The following GPBP1 variants were observed in gnomAD, a reference collection of about 807,000 sequenced individuals.
GPBP1 encodes the protein vasculin.
GPBP1 carries 13 observed loss-of-function variants against 56.5 expected under a neutral mutation model. The observed-to-expected ratio is 0.23, with a 90% CI of 0.15 to 0.37. The LOEUF is 0.37. Among genes scored for constraint, GPBP1 ranks in the 10% least tolerant of loss-of-function variants. The pLI is 1.00. For synonymous variants in GPBP1, 204 were observed against 188.9 expected (o/e 1.08, Z -0.66); for missense variants, 477 against 572.3 (o/e 0.83, Z 1.70).
intron 6 of GPBP1, 71 bp from the exon 7 acceptor site, chr5:57,246,228 TC>T (rs1185956480): frequency 5.6e-5 from 71 of 1,260,150 alleles, no homozygotes; most frequent in Non-Finnish European, 9.9e-6. Flanking sequence ...AATATACTGT[TC>T]TTTTGGTGGT....
At chr5:57,215,997 A>G (rs975422869) in intron 3 of GPBP1, among the ~76,000 whole-genome samples, 2 of 151,962 alleles carry the variant, frequency 1.3e-5, no homozygotes, top group Non-Finnish European at 2.9e-5. Context: ...TTGAGTCATT[A>G]CTCCACGCGC....
At chr5:57,231,387 C>T (rs555343253) in intron 5 of GPBP1, 66 bp downstream of exon 5, 4 of 1,247,062 alleles carry the variant, frequency 3.2e-6, no homozygotes, top group South Asian at 2.7e-5. Context: ...GATTCTCCTG[C>T]CTCAGCCTCT....
chr5:57,187,912 A>C (rs1025933477), intron 2 of GPBP1, among the ~76,000 whole-genome samples: 9 of 151,470 alleles, frequency 5.9e-5, no homozygotes, highest in Non-Finnish European at 1.2e-4. Context: ...TGTATAATGT[A>C]TTTGTGTATA....
intron 10 of GPBP1, among the ~76,000 whole-genome samples, chr5:57,258,633 T>A (rs960151888): frequency 2.0e-5 from 3 of 152,132 alleles, no homozygotes; most frequent in African/African-American, 7.2e-5. Context: ...GAAACACAGA[T>A]TGTTTTTATT....
chr5:57,194,852 T>C (rs1754678580), intron 2 of GPBP1, among the ~76,000 whole-genome samples: 3 of 152,222 alleles, frequency 2.0e-5, no homozygotes, highest in African/African-American at 7.2e-5. Flanking sequence ...TATGACTGAA[T>C]AATATTCCAT....
intron 2 of GPBP1, among the ~76,000 whole-genome samples, chr5:57,183,208 A>T (rs927391392): frequency 6.6e-6 from 1 of 152,068 alleles, no homozygotes; most frequent in East Asian, 1.9e-4. Context: ...TCTAATAAAA[A>T]TACAAAAAAT....
rs759514220 is a variant in GPBP1 at position 57,250,938 on chromosome 5, ACT to A, written c.973-11_973-10del. ...GAACTCATTCTTTTTTTTTTTTTTA[ACT>A]CTCTAAAAATCAGGATGACGACTCA... On this transcript the variant is annotated splice_polypyrimidine_tract_variant and intron_variant, in intron 9 of 11. Transcript: ENST00000506184. The A allele has an allele frequency of 2.5e-5, 36 of 1,438,938 alleles. No homozygotes were observed. The highest frequency in any genetic ancestry group is 1.9e-4 in the Middle Eastern group (1 of 5,348). 89.1% of individuals were successfully genotyped at this position (1,438,938 alleles called of 1,614,324 possible).
In GPBP1 at chr5:57,246,141, G is replaced by A. The variant is rs1020727849; in HGVS notation, c.479-159G>A. On this transcript the variant is annotated intron_variant, in intron 6 of 11. Coordinates refer to ENST00000506184, the MANE Select transcript of GPBP1 (RefSeq NM_022913.4). ...TGTTTTAGCTTTACTTGTTCAATTG[G>A]AATATAGTTTGTACTTTTTTAGTTT... is the stretch of plus-strand genomic sequence containing the variant. 1.1e-5 allele frequency: 6 copies of A among 529,402 alleles called. No homozygotes were observed. In the Admixed American group the frequency reaches 1.9e-4, roughly 17 times the overall value. 32.8% of individuals were successfully genotyped at this position (529,402 alleles called of 1,614,324 possible).
intron 2 of GPBP1, among the ~76,000 whole-genome samples, chr5:57,204,039 A>G (rs751459286): frequency 7.2e-5 from 11 of 152,186 alleles, no homozygotes; most frequent in African/African-American, 1.2e-4. Flanking sequence ...ACAGATTTCT[A>G]TGCAATGCTT....
At chr5:57,251,216 T>TC (rs1741370770) in intron 10 of GPBP1, 75 bp downstream of exon 10, 3 of 1,267,562 alleles carry the variant, frequency 2.4e-6, no homozygotes, top group South Asian at 2.9e-5. Flanking sequence ...TTTTACGTGA[T>TC]TTAACAGGTT....
At chr5:57,248,590 C>T (rs188459695) in intron 8 of GPBP1, among the ~76,000 whole-genome samples, 2,086 of 152,150 alleles carry the variant, frequency 0.014, 116 homozygotes, top group East Asian at 0.097. Flanking sequence ...GTAGCCACTA[C>T]GCCTGGCTAA....
chr5:57,253,523 A>T, intron 10 of GPBP1, among the ~76,000 whole-genome samples: 1 of 152,232 alleles, frequency 6.6e-6, no homozygotes, highest in East Asian at 1.9e-4. Flanking sequence ...AATTAAGAAC[A>T]TAAGCTACAT....
chr5:57,219,419 C>CAAAAAAAAAAAAAAA (rs5868039), intron 3 of GPBP1, among the ~76,000 whole-genome samples: 1 of 68,068 alleles, frequency 1.5e-5, no homozygotes, highest in Non-Finnish European at 2.9e-5. Flanking sequence ...AACAAACAAA[C>CAAAAAAAAAAAAAAA]AAAAAAAAAA....
rs1456356523 is a variant in GPBP1, at chr5:57,175,642, C to T, written c.-816C>T. 6 of 396,516 alleles carry T rather than the reference C, an allele frequency of 1.5e-5. No homozygotes were observed. Among genetic ancestry groups the T allele is most frequent in the Non-Finnish European group, 2.2e-5 (5 of 225,362 alleles). 24.6% of individuals were successfully genotyped at this position (396,516 alleles called of 1,614,324 possible). On this transcript the variant is annotated 5_prime_UTR_variant, in exon 2 of 12. Coordinates refer to ENST00000506184, the MANE Select transcript of GPBP1 (RefSeq NM_022913.4). ...TCAGCAAGCTACTTAAAAAGAGACCCAGGCAGCATTTCTTCAGTATTTTGG... is the reference window on the plus strand; with the variant it reads ...TCAGCAAGCTACTTAAAAAGAGACCTAGGCAGCATTTCTTCAGTATTTTGG...
At chr5:57,214,779 C>T (rs1755635439) in intron 3 of GPBP1, among the ~76,000 whole-genome samples, 1 of 152,038 alleles carries the variant, frequency 6.6e-6, no homozygotes, top group Non-Finnish European at 1.5e-5. Flanking sequence ...CCTCATTCTC[C>T]TGAGTATTTG....
At chr5:57,229,894 G>A (rs1756365915) in intron 3 of GPBP1, among the ~76,000 whole-genome samples, 3 of 149,814 alleles carry the variant, frequency 2.0e-5, no homozygotes, top group Non-Finnish European at 3.0e-5. Flanking sequence ...TTACTGAGAC[G>A]ACTTGTTAAA....
At chr5:57,219,819 G>A (rs542396205) in intron 3 of GPBP1, among the ~76,000 whole-genome samples, 1 of 152,204 alleles carries the variant, frequency 6.6e-6, no homozygotes, top group African/African-American at 2.4e-5. Flanking sequence ...TTGGGAGGCC[G>A]AAGCAGGGGG....
chr5:57,229,941 G>GCGTCCCGTCCCGTCCCGTCC (rs112231997), intron 3 of GPBP1, among the ~76,000 whole-genome samples: 3,121 of 146,168 alleles, frequency 0.021, 77 homozygotes, highest in African/African-American at 0.028. Flanking sequence ...GCATCGCATC[G>GCGTCCCGTCCCGTCCCGTCC]CGTCCCGTCC....
chr5:57,226,127 C>T (rs1311547681), intron 3 of GPBP1, among the ~76,000 whole-genome samples: 1 of 152,148 alleles, frequency 6.6e-6, no homozygotes, highest in African/African-American at 2.4e-5. Context: ...AGATACAGGA[C>T]ATCTCTCTAT....
Sources: allele counts gnomAD v4.1 joint callset (sites outside exome capture counted in the v4.1 genomes callset), GRCh38; gene constraint gnomAD v4.1.1; transcripts MANE v1.5; gene names NCBI Gene and HGNC (gene_info 2026-07-23, HGNC 2026-07-21).